CALD1: variants seen among roughly 807,000 people sequenced by gnomAD.
CALD1 encodes caldesmon.
Under a neutral mutation model 99.9 loss-of-function variants are expected in CALD1, and 33 were observed. That is an observed-to-expected ratio of 0.33 (90% confidence interval 0.25 to 0.44). The LOEUF (loss-of-function observed/expected upper bound fraction) is 0.44, where lower values mean the gene tolerates loss of function less well. CALD1 is among the 20% of genes least tolerant of loss of function. The probability of loss-of-function intolerance (pLI) is 1.00; values close to 1 mark genes in which losing one functional copy is unlikely to be tolerated. For synonymous variants in CALD1, 310 were observed against 325.0 expected, an observed-to-expected ratio of 0.95 and a Z score of 0.50; for missense variants, 861 against 962.1, an observed-to-expected ratio of 0.89 and a Z score of 1.39.
chr7:134,711,660 C>CTCTCTCTCTCTCTCTATATA, the CALD1 span, among the ~76,000 whole-genome samples: 5 of 78,344 alleles, frequency 6.4e-5, no homozygotes, highest in African/African-American at 3.1e-4. Flanking sequence ...CTCTCTCTCT[C>CTCTCTCTCTCTCTCTATATA]TATATATATA....
upstream of CALD1, among the ~76,000 whole-genome samples, chr7:134,740,355 T>C (rs1166602964): frequency 6.6e-6 from 1 of 152,182 alleles, no homozygotes; most frequent in Admixed American, 6.5e-5. Context: ...TATCTTGACA[T>C]GCTGCAATGC....
intron 1 of CALD1, among the ~76,000 whole-genome samples, chr7:134,763,918 A>C (rs1304852933): frequency 7.0e-5 from 3 of 42,560 alleles, no homozygotes; most frequent in African/African-American, 2.6e-4. Context: ...ACTCCATCTC[A>C]AAAAAAAAAA....
chr7:134,748,291 G>T (rs6958260), intron 1 of CALD1, among the ~76,000 whole-genome samples: 2 of 152,076 alleles, frequency 1.3e-5, no homozygotes, highest in African/African-American at 4.8e-5. Flanking sequence ...TAGTACCTGC[G>T]GTCTCACCCA....
At chr7:134,885,538 T>C (rs1801815046) in intron 3 of CALD1, among the ~76,000 whole-genome samples, 1 of 152,220 alleles carries the variant, frequency 6.6e-6, no homozygotes, top group Admixed American at 6.5e-5. Flanking sequence ...AATATCCAGA[T>C]GCAAAAGGTG....
At chr7:134,867,531 A>G (rs771057280) in intron 2 of CALD1, among the ~76,000 whole-genome samples, 162 bp from the exon 3 acceptor site, 3 of 152,192 alleles carry the variant, frequency 2.0e-5, no homozygotes, top group Non-Finnish European at 2.9e-5. Flanking sequence ...ACTGAATTTA[A>G]CTCGGCTCAG....
At chr7:134,875,025 T>C (rs1451211794) in intron 3 of CALD1, among the ~76,000 whole-genome samples, 1 of 152,220 alleles carries the variant, frequency 6.6e-6, no homozygotes, top group Non-Finnish European at 1.5e-5. Context: ...ATGAAATTAC[T>C]GTTATTTTAT....
At chr7:134,890,763 T>C (rs1165601022) in intron 3 of CALD1, among the ~76,000 whole-genome samples, 1 of 152,196 alleles carries the variant, frequency 6.6e-6, no homozygotes, top group East Asian at 1.9e-4. Context: ...CAGAGTACCA[T>C]GGGTGCAGAC....
chr7:134,911,197 T>C (rs911212567), intron 3 of CALD1, among the ~76,000 whole-genome samples: 7 of 150,286 alleles, frequency 4.7e-5, no homozygotes, highest in East Asian at 1.9e-4. Context: ...ATTTCCTTTT[T>C]CTTTTTTTTT....
At chr7:134,750,900 T>C (rs924784541) in intron 1 of CALD1, among the ~76,000 whole-genome samples, 8 of 152,224 alleles carry the variant, frequency 5.3e-5, no homozygotes, top group African/African-American at 1.9e-4. Flanking sequence ...CTCAAATGAA[T>C]ATCTTATTGA....
intron 3 of CALD1, among the ~76,000 whole-genome samples, chr7:134,899,616 C>T (rs1050989482): frequency 6.7e-6 from 1 of 148,714 alleles, no homozygotes; most frequent in Non-Finnish European, 1.5e-5. Context: ...CTTTCCATGT[C>T]TGTTTATTGA....
chr7:134,771,603 T>C (rs1449901111), intron 1 of CALD1, among the ~76,000 whole-genome samples: 1 of 152,006 alleles, frequency 6.6e-6, no homozygotes, highest in Non-Finnish European at 1.5e-5. Flanking sequence ...GCCCCTATTC[T>C]AGACAAGGTA....
chr7:134,891,131 T>C lies in CALD1; in HGVS notation c.71+23327T>C, dbSNP rs1216442986. ...TAGGTTGTATATGCATGTAATACCA[T>C]GATCAACTATTTTCCAAAAGGCTGA... On this transcript the variant is annotated intron_variant, in intron 3 of 14. Coordinates refer to ENST00000361675, the MANE Select transcript of CALD1 (RefSeq NM_033138.4). Among the ~76,000 whole-genome samples the C allele has an allele frequency of 2.0e-5, 3 of 152,218 alleles. No homozygotes were observed. In the East Asian group the frequency reaches 5.8e-4, roughly 29 times the overall value.
At chr7:134,967,157 T>A (rs71532828) in intron 14 of CALD1, among the ~76,000 whole-genome samples, 9,752 of 152,200 alleles carry the variant, frequency 0.064, 500 homozygotes, top group Non-Finnish European at 0.096. Context: ...ATGGTCAGAC[T>A]CAGAGAACAC....
the CALD1 span, among the ~76,000 whole-genome samples, chr7:134,712,038 G>GGAGGGAGA: frequency 9.1e-5 from 5 of 54,792 alleles, no homozygotes; most frequent in African/African-American, 1.6e-4. Context: ...AGGGAGGGAA[G>GGAGGGAGA]GAGGGAGAGA....
At chr7:134,850,004 G>T (rs191619382) in intron 2 of CALD1, among the ~76,000 whole-genome samples, 113 of 152,326 alleles carry the variant, frequency 7.4e-4, no homozygotes, top group African/African-American at 2.6e-3. Flanking sequence ...GCAAAGCAAA[G>T]AAATGGTCAA....
At chr7:134,732,822 C>G in the CALD1 span, among the ~76,000 whole-genome samples, 1 of 152,232 alleles carries the variant, frequency 6.6e-6, no homozygotes, top group Admixed American at 6.5e-5. Flanking sequence ...CAAAAATCCT[C>G]TAACTCAAGT....
Position 134,768,666 on chromosome 7 carries a change from A to C in CALD1, c.-130+24303A>C, listed in dbSNP as rs148564368. On this transcript the variant is annotated intron_variant, in intron 1 of 13. Transcript: ENST00000417172. ...TCTCTGGGGGGAGAATGTCTCATTT[A>C]TATTGCAATTTTTTAAAAAAAACAA... Among the ~76,000 whole-genome samples the C allele has an allele frequency of 1.8e-3, 274 of 152,286 alleles. 3 individuals carry two copies. The highest frequency in any genetic ancestry group is 6.3e-3 in the African/African-American group (262 of 41,568).
At position 134,941,118 on chromosome 7, in the gene CALD1, C is replaced by A. The variant is rs1806392277; in HGVS notation, c.1413C>A (p.Asp471Glu). 1 of 1,610,172 alleles carries A rather than the reference C, an allele frequency of 6.2e-7. No homozygotes were observed. Among genetic ancestry groups the A allele is most frequent in the Admixed American group, 1.7e-5 (1 of 59,156 alleles). Residue 471 changes from aspartate (D) to glutamate (E), a missense_variant, in exon 7 of 15, where the codon GAC (aspartate) becomes GAA (glutamate). This residue lies in a region of CALD1 where 293 missense variants were observed against 262.7 expected (regional missense o/e 1.12). Coordinates refer to ENST00000361675, the MANE Select transcript of CALD1 (RefSeq NM_033138.4). ...TCAAAGATGAAAAGATTAAAAAGGACAAAGAACCCAAAGAAGAAGTTAAGA... is the reference window on the plus strand; with the variant it reads ...TCAAAGATGAAAAGATTAAAAAGGAAAAAGAACCCAAAGAAGAAGTTAAGA... ...EEIKDEKIKK[D>E]KEPKEEVKSF...
At chr7:134,895,675 A>G (rs1260310422) in intron 3 of CALD1, among the ~76,000 whole-genome samples, 1 of 152,206 alleles carries the variant, frequency 6.6e-6, no homozygotes, top group Non-Finnish European at 1.5e-5. Context: ...CAATCTGGTG[A>G]GAGAGGCCTT....
Sources: gnomAD v4.1 joint callset for allele counts (sites outside exome capture counted in the v4.1 genomes callset) on GRCh38, gnomAD v4.1.1 for gene constraint, gnomAD v4.1.1 regional missense constraint, MANE v1.5 for transcripts, NCBI Gene and HGNC (gene_info 2026-07-23, HGNC 2026-07-21) for gene names.